The following KYNU variants were observed in gnomAD, a reference collection of about 807,000 sequenced individuals.
The protein encoded by KYNU is L-kynurenine hydrolase.
A neutral mutation model predicts 59.2 loss-of-function variants in KYNU; 54 were observed. That is an observed-to-expected ratio of 0.91 (90% CI 0.73 to 1.14). The LOEUF (loss-of-function observed/expected upper bound fraction) is 1.14, where lower values mean the gene tolerates loss of function less well. Ranked by LOEUF, KYNU falls within the 50% of genes most tolerant of loss-of-function variation. KYNU has a pLI of 0.00. For synonymous variants in KYNU, 177 were observed against 192.0 expected (o/e 0.92, Z 0.65); for missense variants, 567 against 554.4 (o/e 1.02, Z -0.23).
intron 10 of KYNU, among the ~76,000 whole-genome samples, chr2:142,994,379 C>T (rs887257057): frequency 1.3e-5 from 2 of 152,052 alleles, no homozygotes; most frequent in Non-Finnish European, 2.9e-5. Flanking sequence ...CCATATTCTC[C>T]ATGTTCACCT....
rs1301199886 is a variant in KYNU, at chr2:143,007,927, C to T, written c.903-21700C>T. Among the ~76,000 whole-genome samples the T allele has an allele frequency of 7.0e-5, 8 of 115,092 alleles. No individual in the cohort carries two copies. In the East Asian group the frequency reaches 1.9e-3, roughly 28 times the overall value. 75.5% of individuals were successfully genotyped at this position (115,092 alleles called of 152,430 possible). The stretch of plus-strand genomic sequence containing the variant: ...AGGAAGCGCTAAACATGGAAAGGAA[C>T]AACCGGTACCAGCCGCTGCAAAATC... On this transcript the variant is annotated intron_variant, in intron 10 of 13. Coordinates refer to ENST00000264170, the MANE Select transcript of KYNU (RefSeq NM_003937.3).
intron 4 of KYNU, among the ~76,000 whole-genome samples, chr2:142,948,787 T>C (rs954598846): frequency 6.6e-6 from 1 of 152,166 alleles, no homozygotes; most frequent in Non-Finnish European, 1.5e-5. Flanking sequence ...CCAAATCTCA[T>C]GTCCTCACAT....
chr2:142,943,992 C>T (rs1423251785), intron 4 of KYNU, among the ~76,000 whole-genome samples: 1 of 152,142 alleles, frequency 6.6e-6, no homozygotes, highest in East Asian at 1.9e-4. Context: ...CTTGTCATCC[C>T]CACTTTGCAA....
intron 10 of KYNU, among the ~76,000 whole-genome samples, chr2:143,026,182 C>T (rs535664674): frequency 2.0e-5 from 3 of 152,246 alleles, no homozygotes; most frequent in South Asian, 2.1e-4. Context: ...AAACTAGAAT[C>T]ACACTCAAAA....
intron 10 of KYNU, among the ~76,000 whole-genome samples, chr2:142,998,178 A>G (rs888222682): frequency 1.3e-5 from 2 of 152,136 alleles, no homozygotes; most frequent in Non-Finnish European, 2.9e-5. Context: ...TTTTGATGAG[A>G]AAACATTTGA....
chr2:142,947,278 T>A, intron 4 of KYNU: 1 of 1,525,360 alleles, frequency 6.6e-7, no homozygotes. Context: ...CCAGACAAAT[T>A]CACTTAAAAC....
In KYNU at chr2:142,966,308, G is replaced by C. The variant is rs529246625; in HGVS notation, c.729+5538G>C. ...AACTTTCTCTCCATCCATTAATTCA[G>C]GTTTCCAAAAGATTCATGGTTGTGT... is the stretch of plus-strand genomic sequence containing the variant. On this transcript the variant is annotated intron_variant, in intron 8 of 13. Coordinates refer to ENST00000264170, the MANE Select transcript of KYNU (RefSeq NM_003937.3). Among the ~76,000 whole-genome samples, 11 of 152,276 alleles carry C rather than the reference G, an allele frequency of 7.2e-5. No homozygotes were observed. The South Asian group carries it at 1.5e-3, about 20-fold the overall frequency.
intron 4 of KYNU, among the ~76,000 whole-genome samples, chr2:142,935,844 C>T (rs1037294226): frequency 1.3e-5 from 2 of 152,050 alleles, no homozygotes; most frequent in Non-Finnish European, 2.9e-5. Context: ...GTGGAGGATA[C>T]ATACGGGCGT....
At chr2:142,916,424 G>A (rs1341301034) in intron 2 of KYNU, among the ~76,000 whole-genome samples, 1 of 152,108 alleles carries the variant, frequency 6.6e-6, no homozygotes, top group Non-Finnish European at 1.5e-5. Flanking sequence ...CAAAAAAGAG[G>A]AATTGCAGCA....
At chr2:142,894,829 A>G (rs1681816940) in intron 2 of KYNU, among the ~76,000 whole-genome samples, 1 of 152,150 alleles carries the variant, frequency 6.6e-6, no homozygotes, top group Non-Finnish European at 1.5e-5. Context: ...CTTTTTGTCC[A>G]AGTATATGGC....
intron 10 of KYNU, among the ~76,000 whole-genome samples, chr2:142,994,629 A>G (rs1558965422): frequency 6.6e-6 from 1 of 151,990 alleles, no homozygotes. Context: ...TCCCTATGAA[A>G]ATTCATTTTA....
intron 8 of KYNU, among the ~76,000 whole-genome samples, chr2:142,984,136 T>G (rs1174242787): frequency 3.9e-5 from 6 of 152,068 alleles, no homozygotes; most frequent in African/African-American, 1.4e-4. Flanking sequence ...TGACTGAACT[T>G]GCATTTTGAA....
chr2:142,972,284 C>G (rs1380989278), intron 8 of KYNU, among the ~76,000 whole-genome samples: 1 of 152,068 alleles, frequency 6.6e-6, no homozygotes, highest in African/African-American at 2.4e-5. Context: ...TTTGCTTTTC[C>G]TTTCTTCCAA....
At chr2:142,940,133 C>T (rs892562008) in intron 4 of KYNU, among the ~76,000 whole-genome samples, 1 of 150,960 alleles carries the variant, frequency 6.6e-6, no homozygotes, top group African/African-American at 2.5e-5. Flanking sequence ...ATAAATCCTT[C>T]GTTTGTGTTC....
At chr2:142,930,037 T>C (rs1683158715) in intron 4 of KYNU, among the ~76,000 whole-genome samples, 1 of 152,228 alleles carries the variant, frequency 6.6e-6, no homozygotes, top group African/African-American at 2.4e-5. Flanking sequence ...TCAAAGTATG[T>C]CAAAGAGACA....
At chr2:142,966,847 A>G (rs973505386) in intron 8 of KYNU, among the ~76,000 whole-genome samples, 2 of 152,164 alleles carry the variant, frequency 1.3e-5, no homozygotes, top group African/African-American at 4.8e-5. Context: ...TCAACATGTT[A>G]AGAAAAAAAA....
intron 2 of KYNU, among the ~76,000 whole-genome samples, chr2:142,903,972 C>T (rs1050117621): frequency 6.6e-6 from 1 of 152,178 alleles, no homozygotes; most frequent in Non-Finnish European, 1.5e-5. Flanking sequence ...TTTTCTTTAT[C>T]CCGTTTATCC....
Position 143,027,853 on chromosome 2 carries a change from C to T in KYNU, c.903-1774C>T, listed in dbSNP as rs562079456. On this transcript the variant is annotated intron_variant, in intron 10 of 13. Coordinates refer to ENST00000264170, the MANE Select transcript of KYNU (RefSeq NM_003937.3). ...ATCTGAGGACTGTTTCTGTATTTAC[C>T]GTCATATCTCATTTGTCTCACTGAT... Among the ~76,000 whole-genome samples the T allele has an allele frequency of 1.8e-3, 278 of 151,698 alleles. 1 individual carries two copies. Among genetic ancestry groups the T allele is most frequent in the Middle Eastern group, 3.4e-3 (1 of 294 alleles).
At chr2:142,883,785 A>T (rs1011677723) in intron 1 of KYNU, among the ~76,000 whole-genome samples, 2 of 152,162 alleles carry the variant, frequency 1.3e-5, no homozygotes, top group Admixed American at 1.3e-4. Flanking sequence ...ATAGCTCTTA[A>T]GTCTGAAACT....
Sources: gnomAD v4.1 joint callset for allele counts (sites outside exome capture counted in the v4.1 genomes callset) on GRCh38, gnomAD v4.1.1 for gene constraint, MANE v1.5 for transcripts, NCBI Gene and HGNC (gene_info 2026-07-23, HGNC 2026-07-21) for gene names.